RBFOX1: variants seen among roughly 807,000 people sequenced by gnomAD.
RBFOX1 encodes RNA binding protein fox-1 homolog 1.
In RBFOX1, 8 loss-of-function variants were observed where a neutral mutation model predicts 57.7. The observed-to-expected ratio is 0.14, with a 90% CI of 0.08 to 0.25. The LOEUF (loss-of-function observed/expected upper bound fraction) is 0.25, where lower values mean the gene tolerates loss of function less well. Ranked by LOEUF, RBFOX1 falls within the 10% of genes least tolerant of loss-of-function variation. The pLI, the probability that RBFOX1 is intolerant of heterozygous loss-of-function variation, is 1.00. For synonymous variants in RBFOX1, 326 were observed against 222.4 expected, an observed-to-expected ratio of 1.47 and a Z score of -4.15; for missense variants, 611 against 548.5, an observed-to-expected ratio of 1.11 and a Z score of -1.14.
intron 14 of RBFOX1, among the ~76,000 whole-genome samples, chr16:7,691,247 T>C (rs914694640): frequency 3.9e-5 from 6 of 152,068 alleles, no homozygotes; most frequent in African/African-American, 1.4e-4. Flanking sequence ...AGAAGTAATC[T>C]AAGCCAACTC....
intron 2 of RBFOX1, among the ~76,000 whole-genome samples, chr16:6,627,965 C>G (rs961589106): frequency 2.6e-5 from 4 of 152,226 alleles, no homozygotes; most frequent in African/African-American, 9.6e-5. Context: ...CTCAGCCTCG[C>G]TGGATGTCAA....
At chr16:5,640,971 CA>C (rs1354494387) in intron 3 of RBFOX1, among the ~76,000 whole-genome samples, 2 of 151,722 alleles carry the variant, frequency 1.3e-5, no homozygotes. Flanking sequence ...CACACATGCA[CA>C]CACATACATG....
In RBFOX1 at chr16:5,427,621, A is replaced by G. The variant is rs1397721904; in HGVS notation, c.220-39595A>G. 4.2e-5 allele frequency among the ~76,000 whole-genome samples: 6 copies of G among 142,580 alleles called. No individual in the cohort carries two copies. In the East Asian group the frequency reaches 1.3e-3, roughly 30 times the overall value. The allele number at this position is 142,580 out of a possible 152,430, so 93.5% of individuals were successfully genotyped here. A position where few individuals can be genotyped will look rare whatever the true frequency, so the allele number is the denominator to read the frequency against. On this transcript the variant is annotated intron_variant, in intron 1 of 2. Coordinates refer to the RBFOX1 transcript ENST00000585867. ...AAACAAAACAAAACAAAACAAAACA[A>G]AACAAATCACCCTGCAAGGTAGTTG...
chr16:6,164,762 C>T lies in RBFOX1; in HGVS notation c.-127+144770C>T, dbSNP rs181244264. Among the ~76,000 whole-genome samples the T allele has an allele frequency of 4.4e-3, 665 of 152,096 alleles. 11 individuals carry two copies. Among genetic ancestry groups the T allele is most frequent in the South Asian group, 0.014 (67 of 4,812 alleles). ...CAAAGTGCTGGTGTGACCCACCGTG[C>T]CCAGCCTATATGGAAATATTTTAAT... On this transcript the variant is annotated intron_variant, in intron 1 of 15. Transcript: ENST00000550418.
At chr16:6,567,668 C>G (rs1238931170) in intron 2 of RBFOX1, among the ~76,000 whole-genome samples, 1 of 152,160 alleles carries the variant, frequency 6.6e-6, no homozygotes, top group African/African-American at 2.4e-5. Context: ...GTGCCTGGCA[C>G]CCAGTAGATA....
chr16:7,518,532 C>T, intron 5 of RBFOX1, 143 bp downstream of exon 5: 2 of 1,095,318 alleles, frequency 1.8e-6, no homozygotes, highest in South Asian at 2.3e-5. Context: ...ATACCAGCTT[C>T]CTGAAGTTTA....
chr16:6,364,123 C>G (rs889539545), intron 2 of RBFOX1, among the ~76,000 whole-genome samples: 2 of 152,132 alleles, frequency 1.3e-5, no homozygotes, highest in Non-Finnish European at 2.9e-5. Context: ...TATGCCACAA[C>G]GTCTGTTCCC....
chr16:6,267,900 T>C (rs1424939251), intron 1 of RBFOX1, among the ~76,000 whole-genome samples: 1 of 152,162 alleles, frequency 6.6e-6, no homozygotes, highest in African/African-American at 2.4e-5. Context: ...CCTTTTTATA[T>C]TTATCCCAAA....
intron 4 of RBFOX1, among the ~76,000 whole-genome samples, chr16:7,506,799 A>T (rs114618581): frequency 4.3e-5 from 6 of 138,000 alleles, no homozygotes; most frequent in Admixed American, 4.2e-4. Flanking sequence ...ATAATGAGGT[A>T]TGTGATCTGC....
intron 3 of RBFOX1, among the ~76,000 whole-genome samples, chr16:6,923,733 G>C (rs957566667): frequency 6.6e-6 from 1 of 152,076 alleles, no homozygotes; most frequent in African/African-American, 2.4e-5. Context: ...CCAGCAAAGT[G>C]GTCAGGAACA....
At position 5,946,069 on chromosome 16, in the gene RBFOX1, G is replaced by A. The variant is rs2059394452; in HGVS notation, c.351+78734G>A. Among the ~76,000 whole-genome samples, 1 of 152,180 alleles carries A rather than the reference G, an allele frequency of 6.6e-6. No homozygotes were observed. Among genetic ancestry groups the A allele is most frequent in the African/African-American group, 2.4e-5 (1 of 41,448 alleles). On this transcript the variant is annotated intron_variant, in intron 4 of 19. Transcript: ENST00000641259. The surrounding 1 kb of genome is among the most constrained non-coding windows in gnomAD (Gnocchi z 4.6). Reference sequence around the variant, plus strand: ...TTGCTAGTAAAGTGAGGGGGAGACAGGGTTTTAATTAGTGGACTGACTTAC... The same window carrying A: ...TTGCTAGTAAAGTGAGGGGGAGACAAGGTTTTAATTAGTGGACTGACTTAC...
chr16:7,035,747 T>C (rs2044213465), intron 3 of RBFOX1, among the ~76,000 whole-genome samples: 1 of 152,192 alleles, frequency 6.6e-6, no homozygotes, highest in South Asian at 2.1e-4. Context: ...TGCCTGCTCA[T>C]TGTTGCAGAA....
chr16:5,252,519 T>G (rs187630864), intron 1 of RBFOX1, among the ~76,000 whole-genome samples: 5 of 152,236 alleles, frequency 3.3e-5, no homozygotes, highest in African/African-American at 1.2e-4. Flanking sequence ...TGTCTGTAGG[T>G]GCCAGGATGG....
At chr16:6,801,018 C>T (rs751488707) in intron 3 of RBFOX1, among the ~76,000 whole-genome samples, 13 of 152,024 alleles carry the variant, frequency 8.6e-5, no homozygotes, top group Admixed American at 6.6e-5. Context: ...AAGTGAGAAT[C>T]ATTTAATTCA....
Position 7,379,942 on chromosome 16 carries a change from C to T in RBFOX1, c.28-138205C>T, listed in dbSNP as rs1307447597. ...ATCATATCTCACCCCACAGCCTTGG[C>T]CTCCTGGGTTCAAGCACAATCCTCC... On this transcript the variant is annotated intron_variant, in intron 4 of 15. Coordinates refer to ENST00000550418, the MANE Select transcript of RBFOX1 (RefSeq NM_018723.4). Among the ~76,000 whole-genome samples the T allele has an allele frequency of 3.3e-5, 5 of 152,152 alleles. No individual in the cohort carries two copies. The East Asian group carries it at 7.7e-4, about 23-fold the overall frequency.
chr16:7,211,075 T>C (rs1243240535), intron 4 of RBFOX1, among the ~76,000 whole-genome samples: 2 of 111,818 alleles, frequency 1.8e-5, no homozygotes. Flanking sequence ...ATACCTTAGA[T>C]ACATACACTT....
chr16:6,211,309 A>G (rs1230679387), intron 1 of RBFOX1, among the ~76,000 whole-genome samples: 1 of 148,130 alleles, frequency 6.8e-6, no homozygotes, highest in African/African-American at 2.5e-5. Flanking sequence ...GCTCACTGCA[A>G]GCTCCACCTC....
At chr16:6,628,887 A>T (rs2098345341) in intron 2 of RBFOX1, among the ~76,000 whole-genome samples, 2 of 152,046 alleles carry the variant, frequency 1.3e-5, no homozygotes, top group African/African-American at 4.8e-5. Flanking sequence ...AAAATTAGCC[A>T]GGTGTGGTGG....
intron 4 of RBFOX1, among the ~76,000 whole-genome samples, chr16:5,919,478 G>A (rs909717471): frequency 3.3e-5 from 5 of 152,202 alleles, no homozygotes; most frequent in African/African-American, 7.2e-5. Context: ...GAGTAGCTGG[G>A]AGTACAGGCA....
Sources: allele counts gnomAD v4.1 joint callset (sites outside exome capture counted in the v4.1 genomes callset), GRCh38; gene constraint gnomAD v4.1.1; non-coding constraint Gnocchi (gnomAD v3.1); transcripts MANE v1.5; gene names NCBI Gene and HGNC (gene_info 2026-07-23, HGNC 2026-07-21).